Variants in MAP3K5 observed in about 807,000 individuals in gnomAD.
MAP3K5 encodes ASK-1.
A neutral mutation model predicts 158.7 loss-of-function variants in MAP3K5; 56 were observed. The observed-to-expected ratio is 0.35, with a 90% confidence interval of 0.28 to 0.44. MAP3K5 has a LOEUF of 0.44. Among genes scored for constraint, MAP3K5 ranks in the 20% least tolerant of loss-of-function variants. MAP3K5 has a pLI of 1.00. For synonymous variants in MAP3K5, 579 were observed against 601.7 expected (o/e 0.96, Z 0.55); for missense variants, 1,294 against 1,674.8 (o/e 0.77, Z 3.97).
intron 2 of MAP3K5, among the ~76,000 whole-genome samples, chr6:136,706,962 A>T (rs1168005065): frequency 6.6e-6 from 1 of 152,214 alleles, no homozygotes; most frequent in Non-Finnish European, 1.5e-5. Flanking sequence ...AGCCTAGGCA[A>T]CATGATGAGA....
chr6:136,675,576 AAT>A (rs989701595), intron 7 of MAP3K5, among the ~76,000 whole-genome samples: 4 of 152,242 alleles, frequency 2.6e-5, no homozygotes, highest in East Asian at 3.9e-4. Context: ...TAAACTGAAC[AAT>A]ATATATATGT....
intron 7 of MAP3K5, among the ~76,000 whole-genome samples, chr6:136,684,145 C>A (rs929808692): frequency 6.6e-6 from 1 of 151,948 alleles, no homozygotes; most frequent in Non-Finnish European, 1.5e-5. Context: ...GTGGGAGGAT[C>A]ACTTGAGCCC....
intron 23 of MAP3K5, among the ~76,000 whole-genome samples, chr6:136,588,249 G>A (rs985025538): frequency 1.3e-5 from 2 of 152,182 alleles, no homozygotes; most frequent in African/African-American, 4.8e-5. Context: ...GCAGAGCAAT[G>A]TGGTGGTTAA....
chr6:136,559,073 G>A (rs1268154742), intron 28 of MAP3K5, among the ~76,000 whole-genome samples, 197 bp from the exon 29 acceptor site: 2 of 152,140 alleles, frequency 1.3e-5, no homozygotes, highest in Non-Finnish European at 2.9e-5. Flanking sequence ...CATCCAGGCC[G>A]GGCGCAGTGG....
At chr6:136,747,887 G>A (rs1410174845) in intron 1 of MAP3K5, among the ~76,000 whole-genome samples, 1 of 152,138 alleles carries the variant, frequency 6.6e-6, no homozygotes, top group Non-Finnish European at 1.5e-5. Context: ...AGGGTAAAAA[G>A]GAATGCTTTC....
At chr6:136,776,820 T>C (rs982138471) in intron 1 of MAP3K5, among the ~76,000 whole-genome samples, 2 of 152,216 alleles carry the variant, frequency 1.3e-5, no homozygotes, top group Admixed American at 1.3e-4. Flanking sequence ...CAAAGATTTC[T>C]TAATGCTGAC....
chr6:136,780,254 C>T (rs1784562939), intron 1 of MAP3K5, among the ~76,000 whole-genome samples: 1 of 151,952 alleles, frequency 6.6e-6, no homozygotes, highest in Non-Finnish European at 1.5e-5. Flanking sequence ...ATTTTTTGTC[C>T]ACAGCAATAC....
chr6:136,644,396 T>A (rs892028287), intron 11 of MAP3K5, among the ~76,000 whole-genome samples: 5 of 152,188 alleles, frequency 3.3e-5, no homozygotes, highest in African/African-American at 1.2e-4. Flanking sequence ...TGTCTGGGAA[T>A]CAGGGAAAAC....
chr6:136,750,757 T>G (rs1376751160), intron 1 of MAP3K5, among the ~76,000 whole-genome samples: 1 of 152,238 alleles, frequency 6.6e-6, no homozygotes, highest in Non-Finnish European at 1.5e-5. Flanking sequence ...ACATTTCATC[T>G]TCTTCCTCCT....
At chr6:136,750,285 C>T (rs929040237) in intron 1 of MAP3K5, among the ~76,000 whole-genome samples, 2 of 152,184 alleles carry the variant, frequency 1.3e-5, no homozygotes, top group African/African-American at 4.8e-5. Flanking sequence ...GCCATCTTGG[C>T]CAGGCTGGTC....
At chr6:136,676,466 T>C (rs1006903469) in intron 7 of MAP3K5, among the ~76,000 whole-genome samples, 6 of 152,244 alleles carry the variant, frequency 3.9e-5, no homozygotes, top group South Asian at 4.1e-4. Flanking sequence ...TTCACTGTGT[T>C]ACATCTTAAT....
At chr6:136,634,719 A>G (rs1777536660) in intron 14 of MAP3K5, among the ~76,000 whole-genome samples, 1 of 151,582 alleles carries the variant, frequency 6.6e-6, no homozygotes, top group Non-Finnish European at 1.5e-5. Context: ...AGCTGGGACT[A>G]CAGGTGCACG....
In MAP3K5 at chr6:136,659,197, A is replaced by G. The variant is rs1289033585; in HGVS notation, c.1526+22T>C. On this transcript the variant is annotated intron_variant, in intron 9 of 29. Transcript: ENST00000359015. ...ATGGAGCTGTTTATTAATTGTATCA[A>G]CATATAATAGCTAATTATTACCATG... 5 of 1,597,304 alleles carry G rather than the reference A, an allele frequency of 3.1e-6. No individual in the cohort carries two copies. The African/African-American group carries it at 6.7e-5, about 21-fold the overall frequency.
chr6:136,791,832 TCGGCCACCACCA>T lies in MAP3K5; in HGVS notation c.314_325del (p.Leu105_Glu109delinsGln), dbSNP rs1232232871. The T allele has an allele frequency of 1.9e-6, 3 of 1,613,836 alleles. No homozygotes were observed. Among genetic ancestry groups the T allele is most frequent in the Non-Finnish European group, 2.5e-6 (3 of 1,180,014 alleles). On this transcript the variant is annotated inframe_deletion, in exon 1 of 30. Transcript: ENST00000359015. The stretch of plus-strand genomic sequence containing the variant: ...CCGCAAGCTCTGCAGGGCCTCGCTC[TCGGCCACCACCA>T]GTTGCCCTTGGCTCGCTTCGTTGAT...
chr6:136,561,428 G>A, intron 28 of MAP3K5, 105 bp downstream of exon 28: 3 of 770,342 alleles, frequency 3.9e-6, no homozygotes, highest in East Asian at 2.6e-5. Context: ...GCAGGGCTGG[G>A]TCTGATTTGC....
chr6:136,706,271 A>G (rs1781072868), intron 2 of MAP3K5, among the ~76,000 whole-genome samples: 1 of 152,166 alleles, frequency 6.6e-6, no homozygotes, highest in Non-Finnish European at 1.5e-5. Flanking sequence ...TCAAAAAAAA[A>G]AGAATGGGAT....
At chr6:136,684,841 A>G (rs1780080819) in intron 7 of MAP3K5, among the ~76,000 whole-genome samples, 1 of 152,216 alleles carries the variant, frequency 6.6e-6, no homozygotes, top group African/African-American at 2.4e-5. Flanking sequence ...AGCCATTCTC[A>G]AGAGCTGGGA....
At chr6:136,739,132 T>C (rs536025084) in intron 1 of MAP3K5, among the ~76,000 whole-genome samples, 1 of 152,060 alleles carries the variant, frequency 6.6e-6, no homozygotes, top group South Asian at 2.1e-4. Flanking sequence ...TCAGTGGAGC[T>C]CCCCTGACAA....
At chr6:136,651,798 C>G (rs990484945) in intron 10 of MAP3K5, among the ~76,000 whole-genome samples, 5 of 152,040 alleles carry the variant, frequency 3.3e-5, no homozygotes, top group Admixed American at 6.5e-5. Flanking sequence ...CATCAAAGGA[C>G]AGCATGAAGT....
Sources: gnomAD v4.1 joint callset for allele counts (sites outside exome capture counted in the v4.1 genomes callset) on GRCh38, gnomAD v4.1.1 for gene constraint, MANE v1.5 for transcripts, NCBI Gene and HGNC (gene_info 2026-07-23, HGNC 2026-07-21) for gene names.